LEMD3: variants seen among roughly 807,000 people sequenced by gnomAD.
LEMD3 encodes inner nuclear membrane protein Man1.
A neutral mutation model predicts 95.2 loss-of-function variants in LEMD3; 33 were observed. The ratio of observed to expected loss-of-function variants is 0.35; its 90% CI spans 0.26 to 0.46. The LOEUF (loss-of-function observed/expected upper bound fraction) is 0.46. LEMD3 is among the 20% of genes least tolerant of loss of function. LEMD3 has a pLI of 1.00. For missense variants in LEMD3, 1,210 were observed against 1,192.8 expected (o/e 1.01, Z -0.21); for synonymous variants, 525 against 474.6 (o/e 1.11, Z -1.38).
chr12:65,217,182 A>G (rs1221368327), intron 3 of LEMD3, among the ~76,000 whole-genome samples: 1 of 152,180 alleles, frequency 6.6e-6, no homozygotes, highest in African/African-American at 2.4e-5. Context: ...AGGGTCAGAT[A>G]GTGGATATTT....
chr12:65,218,676 T>A, intron 4 of LEMD3, 57 bp downstream of exon 4: 1 of 975,640 alleles, frequency 1.0e-6, no homozygotes, highest in Non-Finnish European at 1.6e-6. Flanking sequence ...TATAAATCAT[T>A]GCTACTTGTA....
intron 1 of LEMD3, among the ~76,000 whole-genome samples, chr12:65,193,794 C>T (rs1042497540): frequency 2.9e-5 from 4 of 137,030 alleles, no homozygotes; most frequent in Non-Finnish European, 6.2e-5. Context: ...GGGGCCTCTC[C>T]TGCCCTGCTT....
At chr12:65,208,157 G>A (rs1869820888) in intron 1 of LEMD3, among the ~76,000 whole-genome samples, 2 of 152,060 alleles carry the variant, frequency 1.3e-5, no homozygotes. Context: ...CCTTTACAAA[G>A]AAAAGCTTGG....
chr12:65,218,467 T>G, intron 3 of LEMD3, 85 bp from the exon 4 acceptor site: 2 of 731,916 alleles, frequency 2.7e-6, no homozygotes, highest in South Asian at 3.3e-5. Flanking sequence ...TTGTATAATG[T>G]ATAAAATATT....
rs1375595361 is a variant in LEMD3 at position 65,207,385 on chromosome 12, C to G, written c.1523-3541C>G. The stretch of plus-strand genomic sequence containing the variant: ...GGGGTGGGGGTGAGGAGTAGAACAC[C>G]AAATATTGAAATCATGATAAAAGGT... On this transcript the variant is annotated intron_variant, in intron 1 of 12. Transcript: ENST00000308330. 5.9e-5 allele frequency among the ~76,000 whole-genome samples: 9 copies of G among 151,848 alleles called. No homozygotes were observed. The East Asian group carries it at 1.7e-3, about 29-fold the overall frequency.
intron 4 of LEMD3, among the ~76,000 whole-genome samples, chr12:65,218,905 C>T (rs935907206): frequency 5.9e-5 from 9 of 151,412 alleles, no homozygotes; most frequent in African/African-American, 1.9e-4. Context: ...TCTCCTGCCT[C>T]AGCCTCGCGA....
chr12:65,171,597 TGTG>T (rs977583811), intron 1 of LEMD3: 6 of 192,656 alleles, frequency 3.1e-5, no homozygotes, highest in African/African-American at 1.4e-4. Flanking sequence ...TTAAATATTT[TGTG>T]GTATTAACTG....
intron 1 of LEMD3, among the ~76,000 whole-genome samples, chr12:65,210,299 G>C (rs1488386068): frequency 2.0e-5 from 3 of 151,868 alleles, no homozygotes; most frequent in Non-Finnish European, 4.4e-5. Flanking sequence ...TAGGAAGGTG[G>C]ATTTTTAAAA....
chr12:65,193,821 CT>C (rs1472864686), intron 1 of LEMD3, among the ~76,000 whole-genome samples: 3 of 150,662 alleles, frequency 2.0e-5, no homozygotes, highest in Non-Finnish European at 2.9e-5. Flanking sequence ...GACTAGCTAC[CT>C]ACTGTAACAA....
chr12:65,205,309 G>T (rs540895969), intron 1 of LEMD3, among the ~76,000 whole-genome samples: 1 of 152,124 alleles, frequency 6.6e-6, no homozygotes, highest in African/African-American at 2.4e-5. Context: ...ACAGTTTTCT[G>T]CCCCCCTCAA....
At chr12:65,196,341 C>T (rs2136327695) in intron 1 of LEMD3, among the ~76,000 whole-genome samples, 1 of 152,066 alleles carries the variant, frequency 6.6e-6, no homozygotes, top group South Asian at 2.1e-4. Context: ...AAAAAAAACC[C>T]CAAACAGAAC....
intron 3 of LEMD3, among the ~76,000 whole-genome samples, chr12:65,218,245 C>T (rs1641384866): frequency 1.3e-5 from 2 of 152,086 alleles, no homozygotes; most frequent in African/African-American, 4.8e-5. Context: ...AGTTCCTATA[C>T]CAGCTTACAG....
chr12:65,210,564 C>T (rs1028581272), intron 1 of LEMD3, among the ~76,000 whole-genome samples: 1 of 152,048 alleles, frequency 6.6e-6, no homozygotes, highest in South Asian at 2.1e-4. Context: ...AGGTAGGTAT[C>T]ATTGTTATCC....
intron 1 of LEMD3, among the ~76,000 whole-genome samples, chr12:65,194,373 T>C (rs1869343688): frequency 1.3e-5 from 2 of 152,174 alleles, no homozygotes; most frequent in Admixed American, 6.6e-5. Flanking sequence ...TTACTTCTCG[T>C]ATCCACCTCC....
intron 1 of LEMD3, among the ~76,000 whole-genome samples, chr12:65,179,067 CAAT>C (rs2136318214): frequency 6.6e-6 from 1 of 152,088 alleles, no homozygotes; most frequent in African/African-American, 2.4e-5. Flanking sequence ...ATACATAGAA[CAAT>C]AATACAATAT....
At chr12:65,191,786 G>A (rs1357669446) in intron 1 of LEMD3, among the ~76,000 whole-genome samples, 3 of 151,984 alleles carry the variant, frequency 2.0e-5, no homozygotes, top group Admixed American at 1.3e-4. Flanking sequence ...TTAGCTGGAC[G>A]TGGTGGTGCA....
intron 4 of LEMD3, among the ~76,000 whole-genome samples, chr12:65,231,260 A>G (rs1870617550): frequency 6.6e-6 from 1 of 152,158 alleles, no homozygotes; most frequent in Admixed American, 6.5e-5. Context: ...CCATAGACGC[A>G]GTTTGTACTG....
chr12:65,230,248 C>CT (rs745736102), intron 4 of LEMD3, among the ~76,000 whole-genome samples: 4 of 152,144 alleles, frequency 2.6e-5, no homozygotes, highest in Non-Finnish European at 4.4e-5. Flanking sequence ...ATGCATCCAG[C>CT]TTTGTCCTTT....
At chr12:65,193,095 G>T (rs1209924935) in intron 1 of LEMD3, among the ~76,000 whole-genome samples, 2 of 152,164 alleles carry the variant, frequency 1.3e-5, no homozygotes, top group Non-Finnish European at 2.9e-5. Flanking sequence ...CGGCACCAAA[G>T]TATGTTACTG....
Sources: allele counts gnomAD v4.1 joint callset (sites outside exome capture counted in the v4.1 genomes callset), GRCh38; gene constraint gnomAD v4.1.1; transcripts MANE v1.5; gene names NCBI Gene and HGNC (gene_info 2026-07-23, HGNC 2026-07-21).